The following CCSER1 variants were observed in gnomAD, a reference collection of about 807,000 sequenced individuals.
The protein encoded by CCSER1 is serine-rich coiled-coil domain-containing protein 1.
Under a neutral mutation model 82.0 loss-of-function variants are expected in CCSER1, and 41 were observed. That is an observed-to-expected ratio of 0.50 (90% CI 0.39 to 0.65). The LOEUF is 0.65. Ranked by LOEUF, CCSER1 falls within the 30% of genes least tolerant of loss-of-function variation. CCSER1 has a pLI of 0.00. For missense variants in CCSER1, 1,119 were observed against 1,064.2 expected (o/e 1.05, Z -0.72); for synonymous variants, 414 against 383.9 (o/e 1.08, Z -0.92).
At chr4:90,948,938 G>T (rs1732584702) in intron 9 of CCSER1, among the ~76,000 whole-genome samples, 1 of 151,976 alleles carries the variant, frequency 6.6e-6, no homozygotes, top group Non-Finnish European at 1.5e-5. Flanking sequence ...GGATATGTAG[G>T]CATAATCACA....
intron 8 of CCSER1, among the ~76,000 whole-genome samples, chr4:90,897,129 C>T (rs930207434): frequency 1.3e-5 from 2 of 151,574 alleles, no homozygotes; most frequent in African/African-American, 2.4e-5. Flanking sequence ...CATATAAAAT[C>T]ATAACATTTT....
intron 1 of CCSER1, among the ~76,000 whole-genome samples, chr4:90,233,794 A>AT (rs1348954118): frequency 6.6e-6 from 1 of 151,860 alleles, no homozygotes; most frequent in African/African-American, 2.4e-5. Context: ...TTTGAAAAGT[A>AT]TTTTTTTATT....
intron 8 of CCSER1, among the ~76,000 whole-genome samples, chr4:90,858,027 T>G (rs1056973505): frequency 2.6e-5 from 4 of 152,052 alleles, no homozygotes; most frequent in Non-Finnish European, 5.9e-5. Flanking sequence ...CCAATAAAAG[T>G]TATTTTTTAA....
chr4:90,825,929 ATC>A (rs1038026455), intron 8 of CCSER1, among the ~76,000 whole-genome samples: 16 of 151,948 alleles, frequency 1.1e-4, no homozygotes, highest in African/African-American at 3.4e-4. Flanking sequence ...TGACCTCGTG[ATC>A]CACCTGCCTC....
rs1751196295 is a variant in CCSER1 at position 91,385,075 on chromosome 4, C to A, written c.2218-213497C>A. ...TTTATCTTTGACTCCAGGAATTGCA[C>A]TTTCAGGAATTTATCCTGAAGATAC... is the stretch of plus-strand genomic sequence containing the variant. On this transcript the variant is annotated intron_variant, in intron 10 of 10. Transcript: ENST00000509176. Among the ~76,000 whole-genome samples the A allele has an allele frequency of 2.0e-5, 3 of 152,106 alleles. No individual in the cohort carries two copies. In the South Asian group the frequency reaches 6.2e-4, roughly 32 times the overall value.
chr4:90,491,625 G>A (rs951866170), intron 5 of CCSER1, among the ~76,000 whole-genome samples: 1 of 151,944 alleles, frequency 6.6e-6, no homozygotes, highest in Admixed American at 6.6e-5. Context: ...CCAGTTTTTG[G>A]CCATTCAGTA....
At chr4:90,229,772 G>A (rs1467323740) in intron 1 of CCSER1, among the ~76,000 whole-genome samples, 1 of 152,102 alleles carries the variant, frequency 6.6e-6, no homozygotes, top group Non-Finnish European at 1.5e-5. Context: ...AAGGATAGAG[G>A]AAGATCTACG....
At chr4:91,126,638 T>C (rs915235617) in intron 10 of CCSER1, among the ~76,000 whole-genome samples, 2 of 151,988 alleles carry the variant, frequency 1.3e-5, no homozygotes, top group African/African-American at 2.4e-5. Flanking sequence ...TGGCAGCATA[T>C]AAATTATTTA....
chr4:91,488,044 AT>A, intron 10 of CCSER1, among the ~76,000 whole-genome samples: 1 of 152,238 alleles, frequency 6.6e-6, no homozygotes, highest in East Asian at 1.9e-4. Flanking sequence ...TATAGAAAGC[AT>A]TTGAAAATAA....
chr4:91,285,095 A>T (rs765868373), intron 10 of CCSER1, among the ~76,000 whole-genome samples: 11 of 151,938 alleles, frequency 7.2e-5, no homozygotes, highest in Non-Finnish European at 1.5e-4. Flanking sequence ...AATCTCTCAA[A>T]CATCTCAAAT....
rs187531543 is a variant in CCSER1 at position 91,445,775 on chromosome 4, A to T, written c.2218-152797A>T. 3.9e-5 allele frequency among the ~76,000 whole-genome samples: 6 copies of T among 152,192 alleles called. No homozygotes were observed. The East Asian group carries it at 1.2e-3, about 29-fold the overall frequency. ...GCAAAGGTACCTTCTATTAACAAAA[A>T]AATTGGCCCAAGTTGGAGAAGAATA... On this transcript the variant is annotated intron_variant, in intron 10 of 10. Transcript: ENST00000509176.
chr4:90,498,232 A>G (rs532747664), intron 5 of CCSER1, among the ~76,000 whole-genome samples: 1 of 152,312 alleles, frequency 6.6e-6, no homozygotes, highest in East Asian at 1.9e-4. Context: ...ATAATGAATA[A>G]TTAAATAGAA....
intron 3 of CCSER1, among the ~76,000 whole-genome samples, chr4:90,366,402 T>A (rs896491764): frequency 6.6e-6 from 1 of 151,786 alleles, no homozygotes; most frequent in Admixed American, 6.6e-5. Flanking sequence ...AGTGTATAAA[T>A]TTATGGGGTA....
chr4:90,540,680 A>G (rs1419952227), intron 5 of CCSER1, among the ~76,000 whole-genome samples: 3 of 152,100 alleles, frequency 2.0e-5, no homozygotes, highest in African/African-American at 7.2e-5. Context: ...GTGAGGTTAC[A>G]GAGTAACATG....
rs78151834 is a variant in CCSER1, at chr4:91,384,546, T to G, written c.2218-214026T>G. The stretch of plus-strand genomic sequence containing the variant: ...TAGGATAAGATACAATTAGATATAT[T>G]ACTCACATTATGTGCAAGAATAATA... On this transcript the variant is annotated intron_variant, in intron 10 of 10. Transcript: ENST00000509176. Among the ~76,000 whole-genome samples the G allele has an allele frequency of 2.6e-4, 40 of 152,150 alleles. 1 individual carries two copies. The East Asian group carries it at 7.7e-3, about 29-fold the overall frequency.
At chr4:90,465,888 C>A (rs932061952) in intron 4 of CCSER1, among the ~76,000 whole-genome samples, 2 of 152,080 alleles carry the variant, frequency 1.3e-5, no homozygotes, top group Non-Finnish European at 1.5e-5. Context: ...TTTAACTAAA[C>A]CATGTAAGTG....
chr4:90,237,624 C>G (rs886757838), intron 1 of CCSER1, among the ~76,000 whole-genome samples: 1 of 152,112 alleles, frequency 6.6e-6, no homozygotes, highest in African/African-American at 2.4e-5. Flanking sequence ...TCAATTAAAA[C>G]CATAACTATA....
At chr4:90,347,718 C>T (rs565305000) in intron 3 of CCSER1, among the ~76,000 whole-genome samples, 21 of 152,118 alleles carry the variant, frequency 1.4e-4, no homozygotes, top group African/African-American at 4.8e-4. Context: ...GAGAAACTGG[C>T]AGAGTAACTG....
intron 10 of CCSER1, chr4:91,108,014 C>T (rs1364236041): frequency 6.6e-6 from 1 of 152,180 alleles, no homozygotes; most frequent in Non-Finnish European, 1.5e-5. Flanking sequence ...GAAAAGTTAG[C>T]TTCTCAGTTA....
Sources: allele counts gnomAD v4.1 joint callset (sites outside exome capture counted in the v4.1 genomes callset), GRCh38; gene constraint gnomAD v4.1.1; transcripts MANE v1.5; gene names NCBI Gene and HGNC (gene_info 2026-07-23, HGNC 2026-07-21).